The following PCDH9 variants were observed in gnomAD, a reference collection of about 807,000 sequenced individuals.
PCDH9 encodes the protein protocadherin 9, also known as protocadherin-9.
Under a neutral mutation model 70.6 loss-of-function variants are expected in PCDH9, and 24 were observed. The ratio of observed to expected loss-of-function variants is 0.34; its 90% CI spans 0.25 to 0.48. PCDH9 has a LOEUF of 0.48. PCDH9 is among the 20% of genes least tolerant of loss of function. The pLI is 0.99. For missense variants in PCDH9, 1,281 were observed against 1,503.6 expected (o/e 0.85, Z 2.45); for synonymous variants, 562 against 558.5 (o/e 1.01, Z -0.09).
chr13:66,640,268 A>C (rs1302825286), intron 3 of PCDH9, among the ~76,000 whole-genome samples: 1 of 152,160 alleles, frequency 6.6e-6, no homozygotes, highest in Non-Finnish European at 1.5e-5. Context: ...TATAACAAAA[A>C]TGGAATCTGA....
intron 3 of PCDH9, among the ~76,000 whole-genome samples, chr13:66,842,660 G>A (rs2081136517): frequency 6.6e-6 from 1 of 152,102 alleles, no homozygotes; most frequent in Non-Finnish European, 1.5e-5. Context: ...ATCAATTTTT[G>A]TATACATCAG....
chr13:66,800,072 AAATTC>A (rs2080301837), intron 3 of PCDH9, among the ~76,000 whole-genome samples: 2 of 152,108 alleles, frequency 1.3e-5, no homozygotes, highest in Non-Finnish European at 2.9e-5. Flanking sequence ...TCCTTCCTCA[AAATTC>A]TCCATTGGTT....
chr13:67,135,197 C>T (rs148189565), intron 2 of PCDH9, among the ~76,000 whole-genome samples: 1 of 151,986 alleles, frequency 6.6e-6, no homozygotes, highest in African/African-American at 2.4e-5. Flanking sequence ...TTCAGAAACA[C>T]CAAAATGTAT....
At chr13:67,000,082 C>T (rs2084207902) in intron 2 of PCDH9, among the ~76,000 whole-genome samples, 1 of 152,034 alleles carries the variant, frequency 6.6e-6, no homozygotes, top group African/African-American at 2.4e-5. Flanking sequence ...GGAACCAACC[C>T]AAATGTCCAA....
chr13:66,568,173 T>C (rs1464935589), intron 4 of PCDH9, among the ~76,000 whole-genome samples: 1 of 151,966 alleles, frequency 6.6e-6, no homozygotes, highest in Non-Finnish European at 1.5e-5. Context: ...GAAGAAGAAA[T>C]AACTGAGCTC....
At position 66,508,589 on chromosome 13, in the gene PCDH9, T is replaced by G. The variant is rs370461565; in HGVS notation, c.3340+122621A>C. Among the ~76,000 whole-genome samples the G allele has an allele frequency of 2.0e-5, 3 of 152,288 alleles. No homozygotes were observed. In the East Asian group the frequency reaches 5.8e-4, roughly 29 times the overall value. On this transcript the variant is annotated intron_variant, in intron 4 of 4. Transcript: ENST00000377865. Reference sequence around the variant, plus strand: ...ATTTCAAAACACATCAAGAACTTTGTACCACTTAGTCAAGCTTTCACAAGC... The same window carrying G: ...ATTTCAAAACACATCAAGAACTTTGGACCACTTAGTCAAGCTTTCACAAGC...
intron 2 of PCDH9, among the ~76,000 whole-genome samples, chr13:66,982,613 C>G (rs2083798352): frequency 6.6e-6 from 1 of 152,206 alleles, no homozygotes; most frequent in African/African-American, 2.4e-5. Flanking sequence ...CTCATCTCAT[C>G]TACCAAGTCT....
At chr13:66,927,580 T>G (rs1302062612) in intron 2 of PCDH9, among the ~76,000 whole-genome samples, 3 of 152,034 alleles carry the variant, frequency 2.0e-5, no homozygotes, top group Non-Finnish European at 4.4e-5. Flanking sequence ...AACCCTAATT[T>G]CTCACTATAC....
At chr13:67,083,608 A>ACTAC (rs1408634708) in intron 2 of PCDH9, among the ~76,000 whole-genome samples, 5 of 152,148 alleles carry the variant, frequency 3.3e-5, no homozygotes, top group Non-Finnish European at 5.9e-5. Context: ...CTTTTTAGCT[A>ACTAC]GTAGTAAAAA....
chr13:66,544,586 G>C (rs1254544710), intron 4 of PCDH9, among the ~76,000 whole-genome samples: 2 of 152,144 alleles, frequency 1.3e-5, no homozygotes, highest in African/African-American at 2.4e-5. Flanking sequence ...AGTTCACCCA[G>C]AGTTAGCTAC....
rs559794578 is a variant in PCDH9 at position 67,003,776 on chromosome 13, T to A, written c.3037-100171A>T. ...TAGTCTATTCATTATAACTACAAAA[T>A]TAAATAACGCTTTACAGGAACGCTT... On this transcript the variant is annotated intron_variant, in intron 2 of 4. Coordinates refer to ENST00000377865, the MANE Select transcript of PCDH9 (RefSeq NM_203487.3). 2.0e-5 allele frequency among the ~76,000 whole-genome samples: 3 copies of A among 152,290 alleles called. No individual in the cohort carries two copies. In the East Asian group the frequency reaches 5.8e-4, roughly 29 times the overall value.
At chr13:67,192,952 C>A (rs542490614) in intron 2 of PCDH9, among the ~76,000 whole-genome samples, 2 of 152,262 alleles carry the variant, frequency 1.3e-5, no homozygotes, top group South Asian at 4.2e-4. Flanking sequence ...GTCCCTCTGA[C>A]CAATTCTGTT....
At chr13:66,478,925 T>C (rs990252852) in intron 4 of PCDH9, among the ~76,000 whole-genome samples, 1 of 152,216 alleles carries the variant, frequency 6.6e-6, no homozygotes, top group Non-Finnish European at 1.5e-5. Context: ...TGTTGGAAGA[T>C]GATGAAATCT....
chr13:66,738,703 C>T (rs887478404), intron 3 of PCDH9, among the ~76,000 whole-genome samples: 2 of 149,684 alleles, frequency 1.3e-5, no homozygotes, highest in African/African-American at 4.9e-5. Context: ...ATGCAGAAGC[C>T]TCAGGAGCCG....
intron 2 of PCDH9, among the ~76,000 whole-genome samples, chr13:67,174,638 T>C (rs1248699679): frequency 6.6e-6 from 1 of 152,174 alleles, no homozygotes; most frequent in African/African-American, 2.4e-5. Flanking sequence ...ATTTACTTAC[T>C]TTGTTTTAAT....
chr13:66,561,302 C>G (rs748217966), intron 4 of PCDH9, among the ~76,000 whole-genome samples: 2 of 152,216 alleles, frequency 1.3e-5, no homozygotes, highest in African/African-American at 2.4e-5. Context: ...TGGGCTTCCC[C>G]CCACCCACTC....
At chr13:66,520,928 A>T (rs2138608896) in intron 4 of PCDH9, among the ~76,000 whole-genome samples, 1 of 152,282 alleles carries the variant, frequency 6.6e-6, no homozygotes, top group East Asian at 1.9e-4. Flanking sequence ...CTTGCAAAGG[A>T]GGCGTGTTTG....
chr13:66,732,222 G>T (rs180696283), intron 3 of PCDH9, among the ~76,000 whole-genome samples: 185 of 151,980 alleles, frequency 1.2e-3, no homozygotes, highest in African/African-American at 4.2e-3. Flanking sequence ...TCAAATCAGG[G>T]TAATTGAGGT....
At chr13:67,144,682 T>A (rs1239831221) in intron 2 of PCDH9, among the ~76,000 whole-genome samples, 1 of 152,146 alleles carries the variant, frequency 6.6e-6, no homozygotes, top group Non-Finnish European at 1.5e-5. Flanking sequence ...AATACCTTTG[T>A]ATATCAGATC....
Sources: allele counts gnomAD v4.1 joint callset (sites outside exome capture counted in the v4.1 genomes callset), GRCh38; gene constraint gnomAD v4.1.1; transcripts MANE v1.5; gene names NCBI Gene and HGNC (gene_info 2026-07-23, HGNC 2026-07-21).